The following DKK2 variants were observed in gnomAD, a reference collection of about 807,000 sequenced individuals.
DKK2 encodes the protein dickkopf Wnt signaling pathway inhibitor 2.
DKK2 carries 11 observed loss-of-function variants against 28.1 expected under a neutral mutation model. That is an observed-to-expected ratio of 0.39 (90% CI 0.25 to 0.65). DKK2 has a LOEUF of 0.65. Ranked by LOEUF, DKK2 falls within the 30% of genes least tolerant of loss-of-function variation. The pLI is 0.47. For synonymous variants in DKK2, 135 were observed against 126.5 expected, an observed-to-expected ratio of 1.07 and a Z score of -0.45; for missense variants, 326 against 335.5, an observed-to-expected ratio of 0.97 and a Z score of 0.22.
intron 1 of DKK2, among the ~76,000 whole-genome samples, chr4:106,976,315 G>A (rs1451335185): frequency 6.6e-5 from 10 of 152,086 alleles, no homozygotes; most frequent in East Asian, 1.9e-4. Flanking sequence ...CTGACTCGTC[G>A]ATCTGTCTAA....
intron 1 of DKK2, among the ~76,000 whole-genome samples, chr4:107,010,696 G>A (rs1292997147): frequency 1.3e-5 from 2 of 151,404 alleles, no homozygotes; most frequent in East Asian, 1.9e-4. Context: ...CTAACTATTG[G>A]AAAGGAAAGA....
intron 1 of DKK2, among the ~76,000 whole-genome samples, chr4:106,968,360 A>G (rs556781595): frequency 1.8e-4 from 27 of 152,196 alleles, no homozygotes; most frequent in African/African-American, 6.3e-4. Context: ...ATTTTTATAG[A>G]TGGGGATGAT....
At chr4:106,961,598 C>CACACACACACACACACACACACAA (rs1560580820) in intron 1 of DKK2, among the ~76,000 whole-genome samples, 2 of 151,128 alleles carry the variant, frequency 1.3e-5, no homozygotes, top group Non-Finnish European at 3.0e-5. Context: ...CACACACACA[C>CACACACACACACACACACACACAA]AGTCTGGTAA....
intron 1 of DKK2, among the ~76,000 whole-genome samples, chr4:107,024,528 A>G (rs887222025): frequency 6.6e-6 from 1 of 152,176 alleles, no homozygotes; most frequent in African/African-American, 2.4e-5. Context: ...ATCCATCAAA[A>G]CAGAAACTAA....
chr4:106,973,520 A>C (rs996807717), intron 1 of DKK2, among the ~76,000 whole-genome samples: 6 of 152,020 alleles, frequency 3.9e-5, no homozygotes, highest in Admixed American at 3.9e-4. Context: ...TTTGTTGGCC[A>C]CATAAATGTC....
chr4:107,019,232 A>C (rs1723656119), intron 1 of DKK2, among the ~76,000 whole-genome samples: 2 of 152,174 alleles, frequency 1.3e-5, no homozygotes, highest in South Asian at 2.1e-4. Context: ...AAAAACAAAA[A>C]CAAAATTCAA....
At chr4:106,988,287 T>C (rs527494607) in intron 1 of DKK2, among the ~76,000 whole-genome samples, 1 of 152,308 alleles carries the variant, frequency 6.6e-6, no homozygotes, top group South Asian at 2.1e-4. Context: ...CCAAGCTCTG[T>C]TTTTAAACTC....
At chr4:107,021,469 C>T (rs1044975762) in intron 1 of DKK2, among the ~76,000 whole-genome samples, 2 of 151,962 alleles carry the variant, frequency 1.3e-5, no homozygotes, top group African/African-American at 4.8e-5. Context: ...AAATCTATGA[C>T]AATATTTTAA....
intron 1 of DKK2, among the ~76,000 whole-genome samples, chr4:106,983,924 A>C (rs1433747231): frequency 6.6e-6 from 1 of 152,234 alleles, no homozygotes; most frequent in Non-Finnish European, 1.5e-5. Context: ...GTACACACCT[A>C]TCAGAATGCT....
chr4:106,978,429 T>C (rs1722975250), intron 1 of DKK2, among the ~76,000 whole-genome samples: 1 of 152,116 alleles, frequency 6.6e-6, no homozygotes, highest in Non-Finnish European at 1.5e-5. Context: ...TCTTTCATAG[T>C]TGCCCTGCCC....
chr4:106,923,025 T>C lies in DKK2; in HGVS notation c.*929A>G, dbSNP rs1686117858. 1 of 152,206 alleles carries C rather than the reference T, an allele frequency of 6.6e-6. No individual in the cohort carries two copies. Among genetic ancestry groups the C allele is most frequent in the African/African-American group, 2.4e-5 (1 of 41,460 alleles). The allele number at this position is 152,206 out of a possible 1,614,324, so 9.4% of individuals were successfully genotyped here. ...CAGGTTATGGCCAATCTTTAAGAAA[T>C]AATGATCTCTCTGTTAGCTCTTTTC... On this transcript the variant is annotated 3_prime_UTR_variant, in exon 4 of 4. Transcript: ENST00000285311.
At chr4:106,967,209 G>A (rs758374389) in intron 1 of DKK2, among the ~76,000 whole-genome samples, 4 of 152,040 alleles carry the variant, frequency 2.6e-5, no homozygotes, top group African/African-American at 4.8e-5. Context: ...CTTTTAGGGA[G>A]CTTACTATTT....
chr4:107,025,909 G>T (rs1723771767), intron 1 of DKK2, among the ~76,000 whole-genome samples: 2 of 152,102 alleles, frequency 1.3e-5, no homozygotes. Context: ...CTTCCACAAA[G>T]CTTTCTTATT....
intron 1 of DKK2, among the ~76,000 whole-genome samples, chr4:106,987,828 C>T (rs1312951981): frequency 6.6e-6 from 1 of 151,308 alleles, no homozygotes; most frequent in Admixed American, 6.6e-5. Flanking sequence ...CCGTTTCTTG[C>T]ACCTGAAAAA....
At chr4:106,998,103 G>C (rs1166050519) in intron 1 of DKK2, among the ~76,000 whole-genome samples, 1 of 152,164 alleles carries the variant, frequency 6.6e-6, no homozygotes, top group Non-Finnish European at 1.5e-5. Flanking sequence ...AGTAGGTGAG[G>C]TAGGAGAATG....
intron 1 of DKK2, among the ~76,000 whole-genome samples, chr4:106,964,960 T>TATAGATAGATAG (rs754515017): frequency 1.3e-3 from 189 of 146,438 alleles, no homozygotes; most frequent in South Asian, 3.1e-3. Flanking sequence ...GATAGATAGA[T>TATAGATAGATAG]ATAGATAGAT....
chr4:106,925,905 A>G lies in DKK2; in HGVS notation c.267T>C (p.Tyr89=), dbSNP rs377585333. The change falls in exon 2 of 4, where the codon TAT becomes TAC. Residue 89 remains tyrosine, a synonymous_variant. Transcript: ENST00000285311. ...SSDKECEVGR[Y]CHSPHQGSSA... is the part of the protein sequence containing the mutation. ...ATGATCCTTGGTGGGGACTGTGGCAATACCTCCCAACTTCACACTCCTTAT... is the reference window on the plus strand; with the variant it reads ...ATGATCCTTGGTGGGGACTGTGGCAGTACCTCCCAACTTCACACTCCTTAT... The G allele has an allele frequency of 1.2e-6, 2 of 1,613,566 alleles. No individual in the cohort carries two copies. Among genetic ancestry groups the G allele is most frequent in the African/African-American group, 2.7e-5 (2 of 74,860 alleles).
chr4:107,007,940 T>C (rs1306877659), intron 1 of DKK2, among the ~76,000 whole-genome samples: 1 of 152,148 alleles, frequency 6.6e-6, no homozygotes, highest in Non-Finnish European at 1.5e-5. Flanking sequence ...TTTGGAAACA[T>C]CAATTTCCCA....
rs931274001 is a variant in DKK2 at position 107,035,990 on chromosome 4, T to A, written c.-399A>T. 4.5e-6 allele frequency: 1 copy of A among 224,652 alleles called. No homozygotes were observed. The highest frequency in any genetic ancestry group is 2.3e-5 in the African/African-American group (1 of 43,666). 13.9% of individuals were successfully genotyped at this position (224,652 alleles called of 1,614,324 possible). On this transcript the variant is annotated 5_prime_UTR_variant, in exon 1 of 4. An upstream open reading frame in the 5' UTR loses its in-frame stop. Transcript: ENST00000285311. ...GCGGTTTAACTCTCCTCTTAATTGA[T>A]CAGGAGGCCCGCATCAGCTCCTTCT...
Sources: allele counts gnomAD v4.1 joint callset (sites outside exome capture counted in the v4.1 genomes callset), GRCh38; gene constraint gnomAD v4.1.1; transcripts MANE v1.5; gene names NCBI Gene and HGNC (gene_info 2026-07-23, HGNC 2026-07-21).